ARHGEF7: variants seen among roughly 807,000 people sequenced by gnomAD.
The protein encoded by ARHGEF7 is Rho guanine nucleotide exchange factor 7.
Under a neutral mutation model 109.8 loss-of-function variants are expected in ARHGEF7, and 33 were observed. The ratio of observed to expected loss-of-function variants is 0.30; its 90% CI spans 0.23 to 0.40. ARHGEF7 has a LOEUF of 0.40. ARHGEF7 is among the 10% of genes least tolerant of loss of function. The pLI, the probability that ARHGEF7 is intolerant of heterozygous loss-of-function variation, is 1.00. For synonymous variants in ARHGEF7, 458 were observed against 424.6 expected (o/e 1.08, Z -0.97); for missense variants, 938 against 1,098.5 (o/e 0.85, Z 2.07).
chr13:111,179,582 A>G (rs552576243), intron 2 of ARHGEF7, among the ~76,000 whole-genome samples: 11 of 152,240 alleles, frequency 7.2e-5, no homozygotes, highest in Admixed American at 5.2e-4. Context: ...CGCTTATGCA[A>G]CCCATATTCA....
chr13:111,251,350 C>T (rs986052839), intron 8 of ARHGEF7, among the ~76,000 whole-genome samples: 14 of 152,076 alleles, frequency 9.2e-5, no homozygotes, highest in South Asian at 2.1e-4. Context: ...AGTAGGAGCC[C>T]GGACGGGCAG....
intron 2 of ARHGEF7, among the ~76,000 whole-genome samples, chr13:111,168,293 CCA>C (rs1388831489): frequency 7.1e-6 from 1 of 140,810 alleles, no homozygotes; most frequent in Non-Finnish European, 1.6e-5. Context: ...GTGTGAGGCC[CCA>C]CTGTGCGACA....
In ARHGEF7 at chr13:111,266,865, C is replaced by A. The variant is rs988186565; in HGVS notation, c.951-683C>A. Reference sequence around the variant, plus strand: ...GCTCCGGGTTGTTGCTGTTGTCCTTCAGAAACTCTGAGGTCTGGAGAGGTG... The same window carrying A: ...GCTCCGGGTTGTTGCTGTTGTCCTTAAGAAACTCTGAGGTCTGGAGAGGTG... On this transcript the variant is annotated intron_variant, in intron 8 of 21. Coordinates refer to ENST00000646102, the MANE Select transcript of ARHGEF7 (RefSeq NM_001354046.2). This position sits in a 1 kb window ranked among gnomAD's most constrained non-coding sequence, Gnocchi z 4.8. 1.1e-5 allele frequency: 5 copies of A among 455,948 alleles called. No homozygotes were observed. The highest frequency in any genetic ancestry group is 4.7e-5 in the Admixed American group (2 of 42,556). 28.2% of individuals were successfully genotyped at this position (455,948 alleles called of 1,614,324 possible).
intron 19 of ARHGEF7, among the ~76,000 whole-genome samples, chr13:111,299,442 A>G (rs929326308): frequency 6.9e-6 from 1 of 144,824 alleles, no homozygotes; most frequent in South Asian, 2.1e-4. Flanking sequence ...ACCAGGCTTC[A>G]CACCATTCTC....
chr13:111,282,796 A>T (rs1443981461), intron 15 of ARHGEF7: 3 of 355,952 alleles, frequency 8.4e-6, no homozygotes, highest in Non-Finnish European at 1.5e-5. Flanking sequence ...TGAAATTCTC[A>T]TCTTTTTACT....
At chr13:111,226,595 C>T (rs1166481772) in intron 5 of ARHGEF7, among the ~76,000 whole-genome samples, 1 of 152,146 alleles carries the variant, frequency 6.6e-6, no homozygotes, top group Admixed American at 6.5e-5. Context: ...ACCTCCCACT[C>T]AGGAAAAAAA....
At chr13:111,193,360 C>T (rs942111652) in intron 2 of ARHGEF7, among the ~76,000 whole-genome samples, 1 of 152,216 alleles carries the variant, frequency 6.6e-6, no homozygotes, top group Admixed American at 6.5e-5. Context: ...TTGGCCTCAG[C>T]ATCTGCCCTG....
chr13:111,166,965 A>G (rs1227176258), intron 2 of ARHGEF7, among the ~76,000 whole-genome samples: 1 of 152,166 alleles, frequency 6.6e-6, no homozygotes, highest in African/African-American at 2.4e-5. Flanking sequence ...GAATGAAGGA[A>G]TACCTGGTGA....
chr13:111,177,332 T>G (rs1391690259), intron 2 of ARHGEF7, among the ~76,000 whole-genome samples: 1 of 152,236 alleles, frequency 6.6e-6, no homozygotes. Flanking sequence ...GTTATCGTCC[T>G]TTTGTCCCTC....
At chr13:111,240,567 C>T (rs1260418992) in intron 6 of ARHGEF7, among the ~76,000 whole-genome samples, 2 of 152,164 alleles carry the variant, frequency 1.3e-5, no homozygotes. Context: ...TCCGTGGAGT[C>T]AGATGTTTAT....
chr13:111,116,527 A>G (rs2066795761), intron 1 of ARHGEF7: 1 of 128,482 alleles, frequency 7.8e-6, no homozygotes, highest in Admixed American at 8.7e-5. Context: ...GTAGCTCAAA[A>G]TACTAAAATC....
At chr13:111,251,308 G>GT (rs2089734041) in intron 8 of ARHGEF7, among the ~76,000 whole-genome samples, 1 of 152,224 alleles carries the variant, frequency 6.6e-6, no homozygotes, top group Non-Finnish European at 1.5e-5. Flanking sequence ...CATTGGCTGT[G>GT]GCTGGAGCCT....
intron 19 of ARHGEF7, chr13:111,293,301 A>G: frequency 1.0e-6 from 1 of 985,396 alleles, no homozygotes; most frequent in Non-Finnish European, 1.2e-6. Context: ...CCATGGACAC[A>G]TCATTATTTT....
At chr13:111,159,154 C>G in intron 2 of ARHGEF7, 1 of 705,932 alleles carries the variant, frequency 1.4e-6, no homozygotes. Context: ...TTTTTGTGCC[C>G]TGCTTTCTCT....
At chr13:111,189,732 G>T (rs1480608435) in intron 2 of ARHGEF7, among the ~76,000 whole-genome samples, 1 of 151,974 alleles carries the variant, frequency 6.6e-6, no homozygotes, top group South Asian at 2.1e-4. Context: ...CGATTGGTGC[G>T]TTTTTACAGA....
intron 5 of ARHGEF7, among the ~76,000 whole-genome samples, chr13:111,232,892 A>G (rs994394452): frequency 3.9e-5 from 6 of 152,180 alleles, no homozygotes; most frequent in African/African-American, 9.7e-5. Flanking sequence ...TTACCACACT[A>G]TGGAATTGTC....
At chr13:111,244,588 A>G (rs930415964) in intron 8 of ARHGEF7, among the ~76,000 whole-genome samples, 2 of 152,216 alleles carry the variant, frequency 1.3e-5, no homozygotes, top group African/African-American at 4.8e-5. Flanking sequence ...CACCAGGACC[A>G]CTGAGGGGAC....
rs1341030191 is a variant in ARHGEF7, at chr13:111,305,281, G to A, written c.*2168G>A. 6.6e-6 allele frequency: 1 copy of A among 152,218 alleles called. No homozygotes were observed. Among genetic ancestry groups the A allele is most frequent in the East Asian group, 1.9e-4 (1 of 5,194 alleles). The allele number at this position is 152,218 out of a possible 1,614,324, so 9.4% of individuals were successfully genotyped here. On this transcript the variant is annotated 3_prime_UTR_variant, in exon 22 of 22. Coordinates refer to ENST00000646102, the MANE Select transcript of ARHGEF7 (RefSeq NM_001354046.2). Reference sequence around the variant, plus strand: ...ACTCTTTTTAAAAACCTGCCCTGTTGTATATAACTGTGTCTGTTTCACCGT... The same window carrying A: ...ACTCTTTTTAAAAACCTGCCCTGTTATATATAACTGTGTCTGTTTCACCGT...
At chr13:111,241,081 T>C in intron 6 of ARHGEF7, 1 of 1,455,476 alleles carries the variant, frequency 6.9e-7, no homozygotes, top group Non-Finnish European at 9.1e-7. Context: ...AGCATAGGGA[T>C]TGAGTGGCAC....
Sources: gnomAD v4.1 joint callset for allele counts (sites outside exome capture counted in the v4.1 genomes callset) on GRCh38, gnomAD v4.1.1 for gene constraint, Gnocchi (gnomAD v3.1) non-coding constraint, MANE v1.5 for transcripts, NCBI Gene and HGNC (gene_info 2026-07-23, HGNC 2026-07-21) for gene names.